The following MTREX variants were observed in gnomAD, a reference collection of about 807,000 sequenced individuals.
The protein encoded by MTREX is Mtr4 exosome RNA helicase.
In MTREX, 76 loss-of-function variants were observed where a neutral mutation model predicts 135.4. The observed-to-expected ratio is 0.56, with a 90% CI of 0.47 to 0.68. The LOEUF is 0.68. Among genes scored for constraint, MTREX ranks in the 30% least tolerant of loss-of-function variants. MTREX has a pLI of 0.00. For synonymous variants in MTREX, 404 were observed against 401.6 expected, an observed-to-expected ratio of 1.01 and a Z score of -0.07; for missense variants, 920 against 1,262.1, an observed-to-expected ratio of 0.73 and a Z score of 4.11.
chr5:55,394,966 G>A (rs1482255977), intron 19 of MTREX, among the ~76,000 whole-genome samples: 7 of 151,788 alleles, frequency 4.6e-5, no homozygotes, highest in Admixed American at 1.3e-4. Context: ...CCAGGAGGCG[G>A]AGATTGCAGT....
At chr5:55,324,062 A>C in intron 2 of MTREX, 70 bp from the exon 3 acceptor site, 2 of 1,099,530 alleles carry the variant, frequency 1.8e-6, no homozygotes, top group South Asian at 1.3e-5. Flanking sequence ...TAACAGTGCA[A>C]TGTGAGGCTT....
At chr5:55,383,773 G>A (rs1048526700) in intron 18 of MTREX, among the ~76,000 whole-genome samples, 7 of 151,796 alleles carry the variant, frequency 4.6e-5, no homozygotes, top group African/African-American at 1.7e-4. Flanking sequence ...TTCTGTTTTT[G>A]TTTTGTCATT....
chr5:55,385,792 C>A (rs1750469124), intron 18 of MTREX, among the ~76,000 whole-genome samples: 1 of 152,108 alleles, frequency 6.6e-6, no homozygotes, highest in Admixed American at 6.5e-5. Flanking sequence ...AACATAGTTA[C>A]AAGTACGCAT....
chr5:55,313,916 A>G (rs541501151), intron 1 of MTREX, among the ~76,000 whole-genome samples: 8 of 152,280 alleles, frequency 5.3e-5, no homozygotes, highest in African/African-American at 1.9e-4. Context: ...AGGTAGCATT[A>G]AAAACTGTTC....
At chr5:55,347,668 C>T (rs866188220) in intron 11 of MTREX, among the ~76,000 whole-genome samples, 16 of 152,218 alleles carry the variant, frequency 1.1e-4, no homozygotes, top group Non-Finnish European at 8.8e-5. Flanking sequence ...ACAGTTAAGA[C>T]AGTAGCACAA....
At chr5:55,424,651 A>G in intron 26 of MTREX, 69 bp from the exon 27 acceptor site, 1 of 1,169,724 alleles carries the variant, frequency 8.5e-7, no homozygotes, top group Non-Finnish European at 1.3e-6. Flanking sequence ...CTGGCTTTAA[A>G]ATTTCGGTAG....
At chr5:55,418,074 A>G (rs963182778) in intron 25 of MTREX, among the ~76,000 whole-genome samples, 8 of 151,650 alleles carry the variant, frequency 5.3e-5, no homozygotes, top group Non-Finnish European at 1.0e-4. Flanking sequence ...CTCTACAAAA[A>G]ATACAAAAAA....
intron 19 of MTREX, among the ~76,000 whole-genome samples, chr5:55,388,325 C>T (rs971440192): frequency 3.3e-5 from 5 of 152,080 alleles, no homozygotes; most frequent in African/African-American, 1.2e-4. Flanking sequence ...CAAGATAAAT[C>T]GTGACAAAGT....
At chr5:55,400,530 G>C (rs1256049068) in intron 21 of MTREX, 109 bp downstream of exon 21, 1 of 660,702 alleles carries the variant, frequency 1.5e-6, no homozygotes, top group Admixed American at 3.2e-5. Flanking sequence ...ACAGGAAAAT[G>C]TGAGCTATCT....
intron 1 of MTREX, among the ~76,000 whole-genome samples, chr5:55,318,886 G>A (rs1477548679): frequency 6.6e-6 from 1 of 151,962 alleles, no homozygotes; most frequent in Non-Finnish European, 1.5e-5. Context: ...TGTCATTTCA[G>A]GTAGTGTGAG....
At chr5:55,346,881 GC>G in intron 10 of MTREX, 131 bp from the exon 11 acceptor site, 1 of 649,068 alleles carries the variant, frequency 1.5e-6, no homozygotes, top group Non-Finnish European at 2.4e-6. Flanking sequence ...ATCTAAGAAT[GC>G]TTTGTCTAAC....
At chr5:55,349,448 C>T in intron 11 of MTREX, 125 bp from the exon 12 acceptor site, 2 of 621,646 alleles carry the variant, frequency 3.2e-6, no homozygotes, top group East Asian at 2.9e-5. Flanking sequence ...CTCAGCCTCC[C>T]TAAGTGCTAG....
chr5:55,328,956 T>C, intron 5 of MTREX, 145 bp downstream of exon 5: 1 of 504,994 alleles, frequency 2.0e-6, no homozygotes. Context: ...GAACCTCTAA[T>C]ACAATGTTTA....
chr5:55,333,617 A>T (rs568743325), intron 5 of MTREX, among the ~76,000 whole-genome samples: 6 of 152,256 alleles, frequency 3.9e-5, no homozygotes, highest in Admixed American at 3.9e-4. Flanking sequence ...AAGGGAATTT[A>T]AGAAATTCAC....
intron 5 of MTREX, among the ~76,000 whole-genome samples, chr5:55,335,858 T>G (rs1007259618): frequency 6.6e-6 from 1 of 152,116 alleles, no homozygotes; most frequent in Non-Finnish European, 1.5e-5. Context: ...AAATTGTCAT[T>G]GTAACAATAT....
At position 55,418,240 on chromosome 5, in the gene MTREX, AAAAAAAG is replaced by A. The variant is rs1270174441; in HGVS notation, c.2971+2115_2971+2121del. On this transcript the variant is annotated intron_variant, in intron 25 of 26. Coordinates refer to ENST00000230640, the MANE Select transcript of MTREX (RefSeq NM_015360.5). ...CAGAGCGAGACACCATCTCAAAAAA[AAAAAAAG>A]AAAAAAAGAAAAGTAAAAAGCAAGG... is the stretch of plus-strand genomic sequence containing the variant. Among the ~76,000 whole-genome samples, 214 of 150,808 alleles carry A rather than the reference AAAAAAAG, an allele frequency of 1.4e-3. 1 individual carries two copies. The highest frequency in any genetic ancestry group is 3.4e-3 in the Middle Eastern group (1 of 294).
chr5:55,346,799 A>T (rs1046685875), intron 10 of MTREX, among the ~76,000 whole-genome samples: 1 of 152,176 alleles, frequency 6.6e-6, no homozygotes, highest in African/African-American at 2.4e-5. Flanking sequence ...ATGAAATCAC[A>T]AAAGTTTTTC....
Position 55,350,857 on chromosome 5 carries a change from T to G in MTREX, c.1321-62T>G, listed in dbSNP as rs1749815828. The G allele has an allele frequency of 9.1e-6, 12 of 1,311,692 alleles. No individual in the cohort carries two copies. The South Asian group carries it at 1.5e-4, about 16-fold the overall frequency. 81.3% of individuals were successfully genotyped at this position (1,311,692 alleles called of 1,614,324 possible). A position where few individuals can be genotyped will look rare whatever the true frequency, so the allele number is the denominator to read the frequency against. On this transcript the variant is annotated intron_variant, in intron 12 of 26. Coordinates refer to ENST00000230640, the MANE Select transcript of MTREX (RefSeq NM_015360.5). Reference sequence around the variant, plus strand: ...TCTTTACTGTTTTTCTTAATTTAGTTTAACATTTTAAAAATCCTTTTCTCA... The same window carrying G: ...TCTTTACTGTTTTTCTTAATTTAGTGTAACATTTTAAAAATCCTTTTCTCA...
chr5:55,315,686 A>G (rs1749187154), intron 1 of MTREX, among the ~76,000 whole-genome samples: 1 of 152,042 alleles, frequency 6.6e-6, no homozygotes, highest in Admixed American at 6.6e-5. Context: ...ATCTCCATCA[A>G]CTAAGAAGGT....
Sources: allele counts gnomAD v4.1 joint callset (sites outside exome capture counted in the v4.1 genomes callset), GRCh38; gene constraint gnomAD v4.1.1; transcripts MANE v1.5; gene names NCBI Gene and HGNC (gene_info 2026-07-23, HGNC 2026-07-21).